Variants in RAB22A observed in about 807,000 individuals in gnomAD.
RAB22A encodes ras-related protein Rab-22A.
A neutral mutation model predicts 30.2 loss-of-function variants in RAB22A; 13 were observed. The ratio of observed to expected loss-of-function variants is 0.43; its 90% CI spans 0.28 to 0.68. The LOEUF is 0.68. Ranked by LOEUF, RAB22A falls within the 30% of genes least tolerant of loss-of-function variation. RAB22A has a pLI of 0.18. For synonymous variants in RAB22A, 89 were observed against 87.2 expected, an observed-to-expected ratio of 1.02 and a Z score of -0.11; for missense variants, 177 against 246.8, an observed-to-expected ratio of 0.72 and a Z score of 1.89.
At chr20:58,340,933 A>G (rs1986844351) in intron 2 of RAB22A, among the ~76,000 whole-genome samples, 1 of 152,178 alleles carries the variant, frequency 6.6e-6, no homozygotes, top group African/African-American at 2.4e-5. Context: ...GGGAAGGTGG[A>G]CACAGGGACA....
chr20:58,327,696 T>C (rs145717041), intron 2 of RAB22A, among the ~76,000 whole-genome samples: 120 of 151,924 alleles, frequency 7.9e-4, no homozygotes, highest in African/African-American at 2.8e-3. Context: ...AGTAAGAGTA[T>C]CCAAAAAAAA....
chr20:58,328,371 A>T (rs949000673), intron 2 of RAB22A, among the ~76,000 whole-genome samples: 1 of 152,032 alleles, frequency 6.6e-6, no homozygotes, highest in Non-Finnish European at 1.5e-5. Flanking sequence ...TTTTGTAGAG[A>T]CAGGGTCTGG....
intron 1 of RAB22A, 148 bp downstream of exon 1, chr20:58,310,160 C>A: frequency 1.2e-6 from 1 of 810,496 alleles, no homozygotes; most frequent in Non-Finnish European, 1.7e-6. Flanking sequence ...GCTCGGGAGC[C>A]GTCCCGCCCA....
At chr20:58,310,200 G>T (rs1364384426) in intron 1 of RAB22A, among the ~76,000 whole-genome samples, 188 bp downstream of exon 1, 8 of 152,036 alleles carry the variant, frequency 5.3e-5, no homozygotes, top group Non-Finnish European at 1.2e-4. Flanking sequence ...GGTCCTGGAG[G>T]CCGAAGGGAC....
chr20:58,338,176 G>A (rs1341057281), intron 2 of RAB22A, among the ~76,000 whole-genome samples: 4 of 151,814 alleles, frequency 2.6e-5, no homozygotes, highest in East Asian at 1.9e-4. Flanking sequence ...ACAGGGACCC[G>A]CCATCACACC....
intron 2 of RAB22A, among the ~76,000 whole-genome samples, chr20:58,329,565 C>A (rs1277974843): frequency 6.6e-6 from 1 of 152,128 alleles, no homozygotes; most frequent in Admixed American, 6.5e-5. Context: ...CAGTAATTTA[C>A]TTTAATATGC....
chr20:58,315,352 G>A (rs1343556429), intron 2 of RAB22A, among the ~76,000 whole-genome samples: 4 of 152,106 alleles, frequency 2.6e-5, no homozygotes, highest in Admixed American at 2.6e-4. Flanking sequence ...TTTGCACCTA[G>A]TCTCCTACAG....
intron 2 of RAB22A, among the ~76,000 whole-genome samples, chr20:58,343,190 C>T (rs1001441454): frequency 4.7e-4 from 71 of 152,136 alleles, no homozygotes; most frequent in Non-Finnish European, 4.6e-4. Context: ...CCCCTTGGTG[C>T]AGCTGTTACT....
Position 58,364,053 on chromosome 20 carries a change from G to C in RAB22A, c.*4350G>C, listed in dbSNP as rs1987274040. ...TGCAAGAAACTTTAATGGAATTCTG[G>C]GGCATTTGTCCTGTTTTATGTGCAA... is the stretch of plus-strand genomic sequence containing the variant. On this transcript the variant is annotated 3_prime_UTR_variant, in exon 7 of 7. Coordinates refer to ENST00000244040, the MANE Select transcript of RAB22A (RefSeq NM_020673.3). 1 of 152,562 alleles carries C rather than the reference G, an allele frequency of 6.6e-6. No individual in the cohort carries two copies. The highest frequency in any genetic ancestry group is 6.5e-5 in the Admixed American group (1 of 15,270). 9.5% of individuals were successfully genotyped at this position (152,562 alleles called of 1,614,324 possible). A position where few individuals can be genotyped will look rare whatever the true frequency, so the allele number is the denominator to read the frequency against.
chr20:58,355,623 C>T (rs1987117825), intron 6 of RAB22A, among the ~76,000 whole-genome samples: 1 of 151,876 alleles, frequency 6.6e-6, no homozygotes, highest in Non-Finnish European at 1.5e-5. Context: ...AGTTTAAGAC[C>T]ACCTTAGGCA....
chr20:58,328,056 C>G (rs756873850), intron 2 of RAB22A, among the ~76,000 whole-genome samples: 1 of 152,196 alleles, frequency 6.6e-6, no homozygotes, highest in Non-Finnish European at 1.5e-5. Flanking sequence ...TTATCTTACT[C>G]TGCTTTACAT....
In RAB22A at chr20:58,353,461, G is replaced by A. The variant is rs1236212188; in HGVS notation, c.300G>A (p.Val100=). 7.4e-6 allele frequency: 12 copies of A among 1,613,460 alleles called. No individual in the cohort carries two copies. Among genetic ancestry groups the A allele is most frequent in the Non-Finnish European group, 9.3e-6 (11 of 1,179,518 alleles). ...EETFSTLKNW[V]KELRQHGPPN... ...CATTTTCAACATTAAAGAATTGGGT[G>A]AAAGAGCTTCGACAGCATGGCCCAC... is the stretch of plus-strand genomic sequence containing the variant. The change falls in exon 5 of 7, where the codon GTG becomes GTA. Residue 100 remains valine (V), a synonymous_variant. Transcript: ENST00000244040.
At chr20:58,311,627 AT>A (rs1327425981) in intron 2 of RAB22A, among the ~76,000 whole-genome samples, 2 of 152,158 alleles carry the variant, frequency 1.3e-5, no homozygotes, top group Admixed American at 1.3e-4. Context: ...AGTAAAGTTG[AT>A]TGTTCATATG....
At chr20:58,335,351 C>T (rs1986730001) in intron 2 of RAB22A, among the ~76,000 whole-genome samples, 1 of 152,100 alleles carries the variant, frequency 6.6e-6, no homozygotes, top group South Asian at 2.1e-4. Context: ...TAAAAATTCT[C>T]CAAGGTTGGC....
At chr20:58,315,488 T>TCC (rs1986318023) in intron 2 of RAB22A, among the ~76,000 whole-genome samples, 1 of 152,134 alleles carries the variant, frequency 6.6e-6, no homozygotes, top group African/African-American at 2.4e-5. Context: ...CTCCCTAGAC[T>TCC]TAGGGCCTTG....
chr20:58,317,139 C>G (rs1309906067), intron 2 of RAB22A, among the ~76,000 whole-genome samples: 1 of 151,724 alleles, frequency 6.6e-6, no homozygotes, highest in East Asian at 2.0e-4. Flanking sequence ...TCTTGTCGCC[C>G]AGGCTGGAGT....
rs1474093424 is a variant in RAB22A, at chr20:58,311,127, G to T, written c.116+5G>T. 1 of 1,570,902 alleles carries T rather than the reference G, an allele frequency of 6.4e-7. No homozygotes were observed. The highest frequency in any genetic ancestry group is 2.2e-5 in the East Asian group (1 of 44,676). On this transcript the variant is annotated splice_donor_5th_base_variant and intron_variant, in intron 2 of 6. Coordinates refer to ENST00000244040, the MANE Select transcript of RAB22A (RefSeq NM_020673.3). ...AAACATCAACCCAACAATAGGGTAA[G>T]AGACTTTTATTTGATACACATCTAA...
chr20:58,358,789 G>A lies in RAB22A; in HGVS notation c.488-817G>A, dbSNP rs6128326. On this transcript the variant is annotated intron_variant, in intron 6 of 6. Coordinates refer to ENST00000244040, the MANE Select transcript of RAB22A (RefSeq NM_020673.3). ...ACACGCCTCTAATCCCAGCTACTCG[G>A]GAGGCTGAGGTGGGAGAATCGCTTG... is the stretch of plus-strand genomic sequence containing the variant. Among the ~76,000 whole-genome samples the A allele has an allele frequency of 1.2e-4, 18 of 152,164 alleles. No homozygotes were observed. In the East Asian group the frequency reaches 3.5e-3, roughly 29 times the overall value.
intron 3 of RAB22A, among the ~76,000 whole-genome samples, chr20:58,352,849 T>G (rs1048885351): frequency 2.0e-5 from 3 of 152,228 alleles, no homozygotes; most frequent in Non-Finnish European, 2.9e-5. Flanking sequence ...AGTGTTCAGA[T>G]TACAGGGTTT....
Sources: allele counts gnomAD v4.1 joint callset (sites outside exome capture counted in the v4.1 genomes callset), GRCh38; gene constraint gnomAD v4.1.1; transcripts MANE v1.5; gene names NCBI Gene and HGNC (gene_info 2026-07-23, HGNC 2026-07-21).